Variants in GAS7 observed in about 807,000 individuals in gnomAD.
The protein encoded by GAS7 is growth arrest-specific protein 7.
A neutral mutation model predicts 71.1 loss-of-function variants in GAS7; 28 were observed. The ratio of observed to expected loss-of-function variants is 0.39; its 90% confidence interval spans 0.29 to 0.54. The LOEUF (loss-of-function observed/expected upper bound fraction) is 0.54. Among genes scored for constraint, GAS7 ranks in the 20% least tolerant of loss-of-function variants. The probability of loss-of-function intolerance (pLI) is 0.62; values close to 1 mark genes in which losing one functional copy is unlikely to be tolerated. For synonymous variants in GAS7, 258 were observed against 245.8 expected, an observed-to-expected ratio of 1.05 and a Z score of -0.46; for missense variants, 436 against 627.8, an observed-to-expected ratio of 0.69 and a Z score of 3.27.
At chr17:9,944,788 C>G (rs538549353) in intron 6 of GAS7, among the ~76,000 whole-genome samples, 40 of 152,176 alleles carry the variant, frequency 2.6e-4, no homozygotes, top group Non-Finnish European at 5.4e-4. Flanking sequence ...AATGCTACAT[C>G]TTGATGAAAA....
At chr17:10,033,503 A>C (rs755339960) in intron 1 of GAS7, among the ~76,000 whole-genome samples, 25 of 152,226 alleles carry the variant, frequency 1.6e-4, no homozygotes, top group Non-Finnish European at 3.4e-4. Flanking sequence ...TAAGTTCAGA[A>C]GCAAGGGAGG....
At chr17:10,005,263 A>G (rs777175031) in intron 2 of GAS7, among the ~76,000 whole-genome samples, 11 of 148,630 alleles carry the variant, frequency 7.4e-5, no homozygotes, top group African/African-American at 1.0e-4. Flanking sequence ...GTGCACACAT[A>G]CATGTATGTA....
intron 11 of GAS7, among the ~76,000 whole-genome samples, chr17:9,923,199 G>A (rs1310262642): frequency 1.3e-5 from 2 of 151,626 alleles, no homozygotes; most frequent in East Asian, 1.9e-4. Flanking sequence ...GAGCCACCAC[G>A]GCCGGCCTTC....
chr17:9,940,304 C>T (rs929140850), intron 7 of GAS7, 104 bp from the exon 8 acceptor site: 24 of 817,570 alleles, frequency 2.9e-5, no homozygotes, highest in Non-Finnish European at 5.0e-5. Context: ...CCCACTAGAC[C>T]ATAAGCTCTG....
Position 9,914,221 on chromosome 17 carries a change from CAA to C in GAS7, c.*3005_*3006del. 4.7e-6 allele frequency: 1 copy of C among 210,758 alleles called. No individual in the cohort carries two copies. Among genetic ancestry groups the C allele is most frequent in the East Asian group, 7.1e-5 (1 of 14,036 alleles). 13.1% of individuals were successfully genotyped at this position (210,758 alleles called of 1,614,324 possible). ...CCCTTGAGCTTCACTTTCCTATTTG[CAA>C]AGAGTTATTTATAATTTTTTTGAGA... On this transcript the variant is annotated 3_prime_UTR_variant, in exon 14 of 14. Transcript: ENST00000432992.
intron 2 of GAS7, among the ~76,000 whole-genome samples, chr17:10,005,199 A>G (rs575346672): frequency 3.4e-5 from 4 of 116,692 alleles, no homozygotes; most frequent in Non-Finnish European, 6.7e-5. Context: ...GCACGCATGC[A>G]TGTGTGTGCA....
At chr17:10,057,279 TC>T (rs1288927688) in intron 1 of GAS7, among the ~76,000 whole-genome samples, 2 of 151,720 alleles carry the variant, frequency 1.3e-5, no homozygotes, top group Non-Finnish European at 2.9e-5. Flanking sequence ...GAGGAGCCCC[TC>T]TGCCCGGCTG....
chr17:10,108,539 T>A (rs1199544338), intron 1 of GAS7, among the ~76,000 whole-genome samples: 1 of 152,372 alleles, frequency 6.6e-6, no homozygotes, highest in East Asian at 1.9e-4. Context: ...TGAAAAAGTT[T>A]CAGATTTTGG....
At chr17:10,094,121 C>T (rs895969473) in intron 1 of GAS7, among the ~76,000 whole-genome samples, 2 of 152,232 alleles carry the variant, frequency 1.3e-5, no homozygotes, top group Non-Finnish European at 2.9e-5. Flanking sequence ...ACCAATGGTC[C>T]ATGGGTTACA....
At chr17:10,110,575 C>T (rs34441071) in intron 1 of GAS7, among the ~76,000 whole-genome samples, 12,571 of 152,198 alleles carry the variant, frequency 0.083, 617 homozygotes, top group South Asian at 0.17. Context: ...AACCAATTCT[C>T]CTGTCTAAGC....
chr17:9,980,853 T>C (rs1272464111), intron 3 of GAS7, among the ~76,000 whole-genome samples: 1 of 152,124 alleles, frequency 6.6e-6, no homozygotes, highest in Non-Finnish European at 1.5e-5. Flanking sequence ...CAGGGAAGGC[T>C]TCTTGGAGGA....
intron 11 of GAS7, among the ~76,000 whole-genome samples, chr17:9,922,971 C>T (rs572046942): frequency 5.9e-5 from 9 of 152,264 alleles, no homozygotes; most frequent in African/African-American, 2.2e-4. Context: ...TGCAGTGCTG[C>T]GATCTCAGCT....
In GAS7 at chr17:10,034,117, T is replaced by G; in HGVS notation, c.184-14220A>C. ...ATGGAGATGTGAGACCTACCACTGC[T>G]CTGTGCCACCGTGCGAAGAACACAG... On this transcript the variant is annotated intron_variant, in intron 1 of 13. Coordinates refer to ENST00000432992, the MANE Select transcript of GAS7 (RefSeq NM_201433.2). The surrounding 1 kb of genome is among the most constrained non-coding windows in gnomAD (Gnocchi z 4.4). 1.0e-6 allele frequency: 1 copy of G among 985,176 alleles called. No homozygotes were observed. Among genetic ancestry groups the G allele is most frequent in the Non-Finnish European group, 1.2e-6 (1 of 829,752 alleles). The allele number at this position is 985,176 out of a possible 1,614,324, so 61.0% of individuals were successfully genotyped here. A position where few individuals can be genotyped will look rare whatever the true frequency, so the allele number is the denominator to read the frequency against.
At chr17:10,049,841 G>A (rs1412758538) in intron 1 of GAS7, among the ~76,000 whole-genome samples, 5 of 151,632 alleles carry the variant, frequency 3.3e-5, no homozygotes, top group Admixed American at 2.6e-4. Flanking sequence ...AGGCTGGTCT[G>A]GAACTCCCAA....
chr17:10,145,132 A>T (rs1047949230), intron 1 of GAS7, among the ~76,000 whole-genome samples: 1 of 152,268 alleles, frequency 6.6e-6, no homozygotes, highest in African/African-American at 2.4e-5. Context: ...CCACACTGGC[A>T]GACAGCCTGG....
At chr17:10,117,422 C>A (rs902524348) in intron 1 of GAS7, among the ~76,000 whole-genome samples, 1 of 152,170 alleles carries the variant, frequency 6.6e-6, no homozygotes, top group African/African-American at 2.4e-5. Flanking sequence ...AGGTAGACAT[C>A]TTCAGGGGAC....
At chr17:10,185,509 C>A (rs1316656460) in intron 1 of GAS7, among the ~76,000 whole-genome samples, 1 of 152,184 alleles carries the variant, frequency 6.6e-6, no homozygotes, top group Non-Finnish European at 1.5e-5. Flanking sequence ...GAATGCACCC[C>A]TTCCTCTGGC....
At position 10,119,114 on chromosome 17, in the gene GAS7, C is replaced by G. The variant is rs558585380; in HGVS notation, c.183+79094G>C. Among the ~76,000 whole-genome samples, 5 of 152,166 alleles carry G rather than the reference C, an allele frequency of 3.3e-5. No individual in the cohort carries two copies. In the South Asian group the frequency reaches 1.0e-3, roughly 32 times the overall value. ...CCCTTGCTTTCCTGGAGTGACGGCT[C>G]CAGCATGAGGTGGGAATGGGTTGCG... On this transcript the variant is annotated intron_variant, in intron 1 of 13. Transcript: ENST00000432992.
rs79826459 is a variant in GAS7, at chr17:10,029,430, C to A, written c.184-9533G>T. ...ACGGCACAAAAGGATCCAGGCTGAA[C>A]GCTGAAAGCAGCTTACAGAAATGCA... On this transcript the variant is annotated intron_variant, in intron 1 of 13. Transcript: ENST00000432992. Among the ~76,000 whole-genome samples, 48 of 152,280 alleles carry A rather than the reference C, an allele frequency of 3.2e-4. 1 individual carries two copies. In the East Asian group the frequency reaches 9.1e-3, roughly 29 times the overall value.
Sources: gnomAD v4.1 joint callset for allele counts (sites outside exome capture counted in the v4.1 genomes callset) on GRCh38, gnomAD v4.1.1 for gene constraint, Gnocchi (gnomAD v3.1) non-coding constraint, MANE v1.5 for transcripts, NCBI Gene and HGNC (gene_info 2026-07-23, HGNC 2026-07-21) for gene names.